BCAS3: variants seen among roughly 807,000 people sequenced by gnomAD.
BCAS3 encodes BCAS4/BCAS3 fusion.
A neutral mutation model predicts 116.1 loss-of-function variants in BCAS3; 53 were observed. That is an observed-to-expected ratio of 0.46 (90% CI 0.37 to 0.57). The LOEUF (loss-of-function observed/expected upper bound fraction) is 0.57, where lower values mean the gene tolerates loss of function less well. Ranked by LOEUF, BCAS3 falls within the 20% of genes least tolerant of loss-of-function variation. BCAS3 has a pLI of 0.00. For missense variants in BCAS3, 917 were observed against 1,165.4 expected, an observed-to-expected ratio of 0.79 and a Z score of 3.10; for synonymous variants, 391 against 408.2, an observed-to-expected ratio of 0.96 and a Z score of 0.51.
At chr17:60,771,694 C>T (rs2044725288) in intron 6 of BCAS3, among the ~76,000 whole-genome samples, 1 of 152,174 alleles carries the variant, frequency 6.6e-6, no homozygotes, top group African/African-American at 2.4e-5. Flanking sequence ...AATGCTATCC[C>T]TCCCCTGTCC....
At chr17:61,075,257 G>T (rs1440316706) in intron 20 of BCAS3, among the ~76,000 whole-genome samples, 1 of 151,780 alleles carries the variant, frequency 6.6e-6, no homozygotes, top group Non-Finnish European at 1.5e-5. Flanking sequence ...CATAAACATG[G>T]CATAAAATTT....
At chr17:61,250,303 A>G (rs927756958) in intron 22 of BCAS3, among the ~76,000 whole-genome samples, 14 of 152,192 alleles carry the variant, frequency 9.2e-5, no homozygotes, top group African/African-American at 2.7e-4. Flanking sequence ...TTTAAACATG[A>G]GAAGATTTAT....
chr17:60,901,727 G>T (rs1362253905), intron 10 of BCAS3, among the ~76,000 whole-genome samples: 2 of 152,160 alleles, frequency 1.3e-5, no homozygotes, highest in Non-Finnish European at 2.9e-5. Context: ...TTCATCAGAG[G>T]ACCTGGTTTT....
chr17:61,010,032 C>T (rs2065001486), intron 15 of BCAS3, among the ~76,000 whole-genome samples: 1 of 148,418 alleles, frequency 6.7e-6, no homozygotes, highest in African/African-American at 2.5e-5. Flanking sequence ...ACTTTGTCTG[C>T]AGGGATTTCT....
At chr17:61,253,554 C>T (rs1374266978) in intron 22 of BCAS3, among the ~76,000 whole-genome samples, 2 of 152,028 alleles carry the variant, frequency 1.3e-5, no homozygotes, top group East Asian at 3.9e-4. Flanking sequence ...CATCAGCAGT[C>T]CCAGGAACTT....
chr17:60,787,479 TTTGAG>T (rs986818307), intron 6 of BCAS3, among the ~76,000 whole-genome samples: 18 of 152,216 alleles, frequency 1.2e-4, no homozygotes, highest in African/African-American at 4.1e-4. Context: ...TGGATATTGC[TTTGAG>T]TTATTATGAG....
rs1272872386 is a variant in BCAS3 at position 61,199,958 on chromosome 17, C to G, written c.2425+115394C>G. ...TGGTTCTTTAGTTTTTGCCTACTTC[C>G]TCCACAACATTCAAGCCTTGTTATA... On this transcript the variant is annotated intron_variant, in intron 22 of 23. Transcript: ENST00000407086. The surrounding 1 kb of genome is among the most constrained non-coding windows in gnomAD (Gnocchi z 4.6). Among the ~76,000 whole-genome samples, 1 of 152,086 alleles carries G rather than the reference C, an allele frequency of 6.6e-6. No homozygotes were observed. The highest frequency in any genetic ancestry group is 2.4e-5 in the African/African-American group (1 of 41,410).
chr17:61,384,482 A>T (rs1420305223), intron 23 of BCAS3: 1 of 152,270 alleles, frequency 6.6e-6, no homozygotes, highest in Non-Finnish European at 1.5e-5. Context: ...TGAGAAGTGA[A>T]GTGACTTGCC....
At chr17:60,982,916 G>A (rs2062901065) in intron 14 of BCAS3, among the ~76,000 whole-genome samples, 1 of 152,112 alleles carries the variant, frequency 6.6e-6, no homozygotes. Flanking sequence ...CATTTTCTGT[G>A]TCAGTTCTAT....
In BCAS3 at chr17:61,226,032, TTG is replaced by T. The variant is rs1372137843; in HGVS notation, c.2425+141469_2425+141470del. The stretch of plus-strand genomic sequence containing the variant: ...TCCCCTGTCATCTGCTAATTCCAAT[TTG>T]ATACTGTTCTGTGTTCAAAAATACA... On this transcript the variant is annotated intron_variant, in intron 22 of 23. Transcript: ENST00000407086. The surrounding 1 kb of genome is among the most constrained non-coding windows in gnomAD (Gnocchi z 6.0). Among the ~76,000 whole-genome samples the T allele has an allele frequency of 3.3e-5, 5 of 152,208 alleles. No individual in the cohort carries two copies. Among genetic ancestry groups the T allele is most frequent in the Admixed American group, 3.3e-4 (5 of 15,288 alleles).
intron 16 of BCAS3, chr17:61,027,386 T>C (rs1433697335): frequency 1.3e-5 from 6 of 451,852 alleles, no homozygotes; most frequent in African/African-American, 8.0e-5. Context: ...TTTTGAATAG[T>C]TTAGGTATTT....
chr17:60,986,905 C>A (rs558329108), intron 14 of BCAS3: 1 of 140,036 alleles, frequency 7.1e-6, no homozygotes, highest in East Asian at 2.0e-4. Flanking sequence ...AAATCTTTGC[C>A]CAGTTTCAAT....
intron 14 of BCAS3, 26 bp downstream of exon 14, chr17:60,947,378 C>A: frequency 6.2e-7 from 1 of 1,601,984 alleles, no homozygotes; most frequent in Non-Finnish European, 8.5e-7. Context: ...TTTCAGAAGG[C>A]GATTTCTTGG....
At chr17:60,695,787 T>A (rs2035516551) in intron 4 of BCAS3, among the ~76,000 whole-genome samples, 1 of 152,010 alleles carries the variant, frequency 6.6e-6, no homozygotes, top group Non-Finnish European at 1.5e-5. Context: ...TTTGTAGAGA[T>A]GAGGTCTTGC....
intron 22 of BCAS3, among the ~76,000 whole-genome samples, chr17:61,184,888 A>G (rs1235607679): frequency 6.6e-6 from 1 of 152,118 alleles, no homozygotes; most frequent in East Asian, 1.9e-4. Context: ...AAAAAGCAGA[A>G]CTATAGAGGT....
intron 23 of BCAS3, among the ~76,000 whole-genome samples, chr17:61,371,387 C>T (rs945261368): frequency 2.6e-5 from 4 of 152,270 alleles, no homozygotes; most frequent in African/African-American, 9.6e-5. Flanking sequence ...CAGCTCCCCA[C>T]AAAGTAAAGT....
At chr17:61,330,232 C>CCCTT (rs1025140186) in intron 22 of BCAS3, among the ~76,000 whole-genome samples, 1 of 149,648 alleles carries the variant, frequency 6.7e-6, no homozygotes, top group African/African-American at 2.5e-5. Flanking sequence ...CCTCTTCTCT[C>CCCTT]CCCTCCCTCC....
At chr17:60,974,974 T>C (rs1403923083) in intron 14 of BCAS3, among the ~76,000 whole-genome samples, 1 of 138,348 alleles carries the variant, frequency 7.2e-6, no homozygotes, top group Non-Finnish European at 1.5e-5. Flanking sequence ...AAGCCATTTG[T>C]TTTTTTTGTT....
At position 61,278,623 on chromosome 17, in the gene BCAS3, G is replaced by T. The variant is rs2050978571; in HGVS notation, c.2426-89704G>T. ...CACATTCATGGATAAACAAAATGTG[G>T]TGTGTTCCTACAGTGGAACACAAAA... is the stretch of plus-strand genomic sequence containing the variant. On this transcript the variant is annotated intron_variant, in intron 22 of 23. Transcript: ENST00000407086. The surrounding 1 kb of genome is among the most constrained non-coding windows in gnomAD (Gnocchi z 5.8). Among the ~76,000 whole-genome samples, 2 of 152,168 alleles carry T rather than the reference G, an allele frequency of 1.3e-5. No homozygotes were observed. The highest frequency in any genetic ancestry group is 4.1e-4 in the South Asian group (2 of 4,828).
Sources: gnomAD v4.1 joint callset for allele counts (sites outside exome capture counted in the v4.1 genomes callset) on GRCh38, gnomAD v4.1.1 for gene constraint, Gnocchi (gnomAD v3.1) non-coding constraint, MANE v1.5 for transcripts, NCBI Gene and HGNC (gene_info 2026-07-23, HGNC 2026-07-21) for gene names.